The following ZNF846 variants were observed in gnomAD, a reference collection of about 807,000 sequenced individuals.
The protein encoded by ZNF846 is zinc finger protein 420 pseudogene.
Under a neutral mutation model 16.0 loss-of-function variants are expected in ZNF846, and 15 were observed. The observed-to-expected ratio is 0.94, with a 90% CI of 0.63 to 1.45. The LOEUF (loss-of-function observed/expected upper bound fraction) is 1.45, where lower values mean the gene tolerates loss of function less well. Ranked by LOEUF, ZNF846 falls within the 40% of genes most tolerant of loss-of-function variation. The pLI is 0.00. For missense variants in ZNF846, 714 were observed against 622.3 expected (o/e 1.15, Z -1.57); for synonymous variants, 229 against 212.0 (o/e 1.08, Z -0.70).
At chr19:9,774,296 G>T (rs980499906) in intron 1 of ZNF846, among the ~76,000 whole-genome samples, 1 of 151,920 alleles carries the variant, frequency 6.6e-6, no homozygotes, top group African/African-American at 2.4e-5. Flanking sequence ...ATGAAACCCA[G>T]TCTCTACTAA....
exon 6 of ZNF846, chr19:9,758,156 C>T (rs772715631): frequency 1.2e-6 from 2 of 1,613,370 alleles, no homozygotes; most frequent in Admixed American, 3.3e-5. Context: ...CATAGGGCTT[C>T]TTTCCACTGT....
At chr19:9,773,193 GTTATTA>G (rs1156802103), upstream of ZNF846, among the ~76,000 whole-genome samples, 7 of 152,240 alleles carry the variant, frequency 4.6e-5, no homozygotes, top group East Asian at 5.8e-4. Context: ...TATTATTATT[GTTATTA>G]TTATTGTTGT....
At chr19:9,757,851 A>C in exon 6 of ZNF846, 1 of 1,613,230 alleles carries the variant, frequency 6.2e-7, no homozygotes, top group Non-Finnish European at 8.5e-7. Context: ...ATGTTGACTA[A>C]GCATTGAGGA....
At chr19:9,750,372 T>C (rs2045074379), downstream of ZNF846, among the ~76,000 whole-genome samples, 1 of 152,174 alleles carries the variant, frequency 6.6e-6, no homozygotes, top group South Asian at 2.1e-4. Flanking sequence ...ACCTTCCCTC[T>C]ACGCAGTTGC....
downstream of ZNF846, chr19:9,756,382 T>TATATATATAA (rs1411472302): frequency 8.4e-6 from 1 of 119,526 alleles, no homozygotes; most frequent in African/African-American, 3.1e-5. Flanking sequence ...TATATATATA[T>TATATATATAA]ATAAAGACAT....
chr19:9,765,060 C>T, intron 1 of ZNF846, 25 bp from the exon 2 acceptor site: 6 of 1,175,064 alleles, frequency 5.1e-6, no homozygotes, highest in Non-Finnish European at 7.7e-6. Context: ...AATGGCATGT[C>T]AGTTGGATAC....
chr19:9,750,847 T>C (rs1018332405), downstream of ZNF846, among the ~76,000 whole-genome samples: 2 of 152,166 alleles, frequency 1.3e-5, no homozygotes, highest in Non-Finnish European at 2.9e-5. Flanking sequence ...GTTGACACTT[T>C]AGCTGCAGTT....
At chr19:9,778,216 A>G (rs537116261) in intron 1 of ZNF846, among the ~76,000 whole-genome samples, 40 of 152,318 alleles carry the variant, frequency 2.6e-4, no homozygotes, top group Non-Finnish European at 5.7e-4. Context: ...ACAGAATATA[A>G]ATAACAATCA....
At chr19:9,751,079 C>A (rs114308949), downstream of ZNF846, among the ~76,000 whole-genome samples, 130 of 152,276 alleles carry the variant, frequency 8.5e-4, no homozygotes, top group African/African-American at 3.0e-3. Context: ...TTCTTCCAAT[C>A]GTTAGTTCTC....
chr19:9,776,306 G>A (rs559694741), intron 1 of ZNF846, among the ~76,000 whole-genome samples: 4 of 152,050 alleles, frequency 2.6e-5, no homozygotes, highest in Non-Finnish European at 5.9e-5. Flanking sequence ...CCGTCTCCCT[G>A]TGATGCTGTG....
downstream of ZNF846, among the ~76,000 whole-genome samples, chr19:9,749,935 G>A (rs2145146039): frequency 6.6e-6 from 1 of 152,082 alleles, no homozygotes; most frequent in Non-Finnish European, 1.5e-5. Context: ...TTCTCTTTAT[G>A]TCAATTCCAC....
At chr19:9,778,803 CAAAAAAAAA>C (rs56001426) in intron 1 of ZNF846, among the ~76,000 whole-genome samples, 7 of 51,370 alleles carry the variant, frequency 1.4e-4, no homozygotes, top group East Asian at 7.0e-4. Context: ...AAACTCGTCT[CAAAAAAAAA>C]AAAAAAAAAA....
chr19:9,753,424 T>TC (rs1473152941), downstream of ZNF846, among the ~76,000 whole-genome samples: 3 of 149,424 alleles, frequency 2.0e-5, no homozygotes, highest in Non-Finnish European at 3.0e-5. Flanking sequence ...GCTGATTTTT[T>TC]TTTTTTTTTT....
At chr19:9,782,863 G>T (rs1035651316) in intron 1 of ZNF846, among the ~76,000 whole-genome samples, 2 of 151,954 alleles carry the variant, frequency 1.3e-5, no homozygotes, top group African/African-American at 4.8e-5. Context: ...ATGCACACCT[G>T]TGGCTCTTTC....
chr19:9,768,206 G>A (rs931979784), intron 1 of ZNF846, 83 bp downstream of exon 1: 2 of 152,188 alleles, frequency 1.3e-5, no homozygotes, highest in East Asian at 3.9e-4. Context: ...ACTTGACAAA[G>A]CATTTAACTG....
upstream of ZNF846, among the ~76,000 whole-genome samples, chr19:9,771,841 C>T (rs1038603510): frequency 3.3e-5 from 5 of 151,922 alleles, no homozygotes; most frequent in African/African-American, 1.2e-4. Context: ...TATCTTGGCT[C>T]ACTGCAACCT....
chr19:9,776,144 C>T (rs907084701), intron 1 of ZNF846, among the ~76,000 whole-genome samples: 2 of 152,176 alleles, frequency 1.3e-5, no homozygotes, highest in Admixed American at 6.5e-5. Flanking sequence ...CTAGCGGTAG[C>T]GAAAACTGTC....
exon 6 of ZNF846, chr19:9,758,142 C>A (rs1227619899): frequency 1.2e-6 from 2 of 1,613,516 alleles, no homozygotes; most frequent in African/African-American, 1.3e-5. Context: ...ACATTCCATA[C>A]ATACATAGGG....
At chr19:9,757,351 C>T (rs2145189615), downstream of ZNF846, 1 of 753,442 alleles carries the variant, frequency 1.3e-6, no homozygotes, top group Non-Finnish European at 2.1e-6. Flanking sequence ...GACTTGTGTC[C>T]ATGTTAAATT....
Sources: allele counts gnomAD v4.1 joint callset (sites outside exome capture counted in the v4.1 genomes callset), GRCh38; gene constraint gnomAD v4.1.1; transcripts MANE v1.5; gene names NCBI Gene and HGNC (gene_info 2026-07-23, HGNC 2026-07-21).